Variants in PDE7B observed in about 807,000 individuals in gnomAD.
PDE7B encodes the protein 3',5'-cyclic-AMP phosphodiesterase 7B.
PDE7B carries 29 observed loss-of-function variants against 56.2 expected under a neutral mutation model. That is an observed-to-expected ratio of 0.52 (90% CI 0.38 to 0.70). PDE7B has a LOEUF of 0.70. PDE7B is among the 30% of genes least tolerant of loss of function. PDE7B has a pLI of 0.00. For synonymous variants in PDE7B, 197 were observed against 196.9 expected (o/e 1.00, Z 0.00); for missense variants, 490 against 565.0 (o/e 0.87, Z 1.35).
chr6:136,129,788 C>T (rs1008250138), intron 3 of PDE7B, among the ~76,000 whole-genome samples: 1 of 152,236 alleles, frequency 6.6e-6, no homozygotes, highest in Admixed American at 6.5e-5. Context: ...TAGGTCTCCA[C>T]CTTCTGCTTC....
chr6:136,075,766 T>C (rs1009913843), intron 2 of PDE7B, among the ~76,000 whole-genome samples: 3 of 152,200 alleles, frequency 2.0e-5, no homozygotes, highest in African/African-American at 7.2e-5. Context: ...AAGAACGACC[T>C]GGGTTACATA....
chr6:136,096,684 C>CTAAGTAATTTTCTA, intron 2 of PDE7B, among the ~76,000 whole-genome samples: 1 of 151,954 alleles, frequency 6.6e-6, no homozygotes, highest in African/African-American at 2.4e-5. Context: ...TTCTTAAGAT[C>CTAAGTAATTTTCTA]AGCATAATTT....
chr6:136,164,021 C>T (rs773031936), intron 8 of PDE7B, among the ~76,000 whole-genome samples: 13 of 152,234 alleles, frequency 8.5e-5, no homozygotes, highest in Non-Finnish European at 1.6e-4. Flanking sequence ...TCCAAAGTCA[C>T]TTCCACATTT....
chr6:136,001,311 A>G (rs1483265243), intron 2 of PDE7B, among the ~76,000 whole-genome samples: 1 of 152,224 alleles, frequency 6.6e-6, no homozygotes, highest in African/African-American at 2.4e-5. Flanking sequence ...CTCCAAAGGA[A>G]CGCAGTTCCT....
intron 12 of PDE7B, among the ~76,000 whole-genome samples, chr6:136,191,392 C>A (rs1027234371): frequency 6.6e-6 from 1 of 152,220 alleles, no homozygotes; most frequent in Non-Finnish European, 1.5e-5. Flanking sequence ...TAAGGCCGGG[C>A]ACAGTGGCTC....
At chr6:136,032,814 A>T (rs1562474847) in intron 2 of PDE7B, among the ~76,000 whole-genome samples, 1 of 152,230 alleles carries the variant, frequency 6.6e-6, no homozygotes, top group Non-Finnish European at 1.5e-5. Flanking sequence ...AATAACTGAC[A>T]TTCTAGTCTT....
intron 3 of PDE7B, among the ~76,000 whole-genome samples, chr6:136,141,905 C>T (rs1778333225): frequency 6.6e-6 from 1 of 151,188 alleles, no homozygotes; most frequent in Admixed American, 6.6e-5. Flanking sequence ...TTCAAAAAAC[C>T]AGCTTCTGGA....
chr6:135,961,251 G>GTA (rs774977841), intron 2 of PDE7B, among the ~76,000 whole-genome samples: 2 of 147,218 alleles, frequency 1.4e-5, no homozygotes, highest in African/African-American at 2.5e-5. Flanking sequence ...GTCATAGAGT[G>GTA]TATATGTGTG....
intron 3 of PDE7B, among the ~76,000 whole-genome samples, chr6:136,146,535 T>C (rs1554282771): frequency 6.6e-6 from 1 of 152,188 alleles, no homozygotes; most frequent in Non-Finnish European, 1.5e-5. Context: ...AGGTCACTTT[T>C]TGTGCAAGAT....
intron 3 of PDE7B, among the ~76,000 whole-genome samples, chr6:136,138,931 A>G (rs1478300740): frequency 1.3e-5 from 2 of 152,108 alleles, no homozygotes; most frequent in African/African-American, 2.4e-5. Flanking sequence ...TAACTATGAA[A>G]AGATTTGTTG....
chr6:136,053,011 A>C (rs1776659661), intron 2 of PDE7B, among the ~76,000 whole-genome samples: 2 of 152,154 alleles, frequency 1.3e-5, no homozygotes, highest in Admixed American at 1.3e-4. Context: ...ATAAAGACAT[A>C]CTTGAGACTG....
chr6:135,904,109 A>G (rs1162164410), intron 1 of PDE7B, among the ~76,000 whole-genome samples: 1 of 152,240 alleles, frequency 6.6e-6, no homozygotes, highest in Non-Finnish European at 1.5e-5. Flanking sequence ...ATATTCAAAT[A>G]CCACAGGGAA....
At chr6:136,021,503 G>T (rs1776070634) in intron 2 of PDE7B, among the ~76,000 whole-genome samples, 1 of 152,064 alleles carries the variant, frequency 6.6e-6, no homozygotes, top group African/African-American at 2.4e-5. Context: ...AACTGTCTGG[G>T]CGTGGTGGTG....
At chr6:135,982,886 A>G (rs1775319394) in intron 2 of PDE7B, among the ~76,000 whole-genome samples, 1 of 151,914 alleles carries the variant, frequency 6.6e-6, no homozygotes, top group African/African-American at 2.4e-5. Flanking sequence ...CTCTGAGTGG[A>G]CCCTCATGTC....
At chr6:136,009,675 A>G (rs1206323493) in intron 2 of PDE7B, among the ~76,000 whole-genome samples, 1 of 152,194 alleles carries the variant, frequency 6.6e-6, no homozygotes. Flanking sequence ...ATTTTTGCAC[A>G]TTGATTTTGT....
intron 1 of PDE7B, among the ~76,000 whole-genome samples, chr6:135,931,069 C>T (rs181818593): frequency 2.5e-4 from 38 of 152,248 alleles, no homozygotes. Context: ...AAAGGTTTTC[C>T]ACTTTAAAGG....
chr6:135,869,371 C>T (rs1775328653), intron 1 of PDE7B, among the ~76,000 whole-genome samples: 2 of 152,046 alleles, frequency 1.3e-5, no homozygotes, highest in African/African-American at 4.8e-5. Context: ...CAAATAATCT[C>T]AGAAAATCTC....
At chr6:136,052,863 C>A (rs1776656330) in intron 2 of PDE7B, among the ~76,000 whole-genome samples, 1 of 152,030 alleles carries the variant, frequency 6.6e-6, no homozygotes, top group Admixed American at 6.5e-5. Flanking sequence ...TCTAACCTGG[C>A]ACTTCCCTCA....
intron 1 of PDE7B, among the ~76,000 whole-genome samples, chr6:135,914,891 G>A (rs532630289): frequency 5.0e-4 from 75 of 151,314 alleles, no homozygotes; most frequent in African/African-American, 1.8e-3. Flanking sequence ...TCAGGAGTTC[G>A]AGACCAGCCT....
Sources: gnomAD v4.1 joint callset for allele counts (sites outside exome capture counted in the v4.1 genomes callset) on GRCh38, gnomAD v4.1.1 for gene constraint, MANE v1.5 for transcripts, NCBI Gene and HGNC (gene_info 2026-07-23, HGNC 2026-07-21) for gene names.